Variants in TDRP observed in about 807,000 individuals in gnomAD.
TDRP encodes testis development related protein, also known as testis development-related protein.
TDRP carries 12 observed loss-of-function variants against 10.5 expected under a neutral mutation model. That is an observed-to-expected ratio of 1.15 (90% CI 0.73 to 1.86). The LOEUF (loss-of-function observed/expected upper bound fraction) is 1.86, where lower values mean the gene tolerates loss of function less well. Among genes scored for constraint, TDRP ranks in the 40% most tolerant of loss-of-function variants. The probability of loss-of-function intolerance (pLI) is 0.00; values close to 1 mark genes in which losing one functional copy is unlikely to be tolerated. For missense variants in TDRP, 353 were observed against 229.2 expected (o/e 1.54, Z -3.49); for synonymous variants, 139 against 95.4 (o/e 1.46, Z -2.67).
intron 1 of TDRP, among the ~76,000 whole-genome samples, chr8:530,496 C>T (rs934805203): frequency 6.6e-6 from 1 of 152,232 alleles, no homozygotes; most frequent in East Asian, 1.9e-4. Flanking sequence ...TGGCTTGGTA[C>T]AGGAGAAGAA....
At chr8:503,549 C>T (rs56388301) in intron 1 of TDRP, among the ~76,000 whole-genome samples, 1,477 of 147,452 alleles carry the variant, frequency 0.01, 15 homozygotes, top group Non-Finnish European at 0.017. Flanking sequence ...GAACCAATGC[C>T]CACTCACCAT....
chr8:534,859 G>A (rs1406738085), intron 1 of TDRP, among the ~76,000 whole-genome samples: 2 of 152,106 alleles, frequency 1.3e-5, no homozygotes, highest in African/African-American at 2.4e-5. Flanking sequence ...GTGAGAAGCT[G>A]CAATAGCTGT....
At position 491,753 on chromosome 8, in the gene TDRP, A is replaced by G. The variant is rs1800983091; in HGVS notation, c.*646T>C. 1 of 1,399,660 alleles carries G rather than the reference A, an allele frequency of 7.1e-7. No individual in the cohort carries two copies. 86.7% of individuals were successfully genotyped at this position (1,399,660 alleles called of 1,614,324 possible). ...TCAAAAGAGGTAAAAATAAAATTCC[A>G]AAAAAGAACCACTGTTACTATCCAG... On this transcript the variant is annotated 3_prime_UTR_variant, in exon 3 of 3. Transcript: ENST00000324079.
At chr8:521,163 G>C (rs1175322080) in intron 1 of TDRP, among the ~76,000 whole-genome samples, 2 of 150,066 alleles carry the variant, frequency 1.3e-5, no homozygotes, top group Non-Finnish European at 2.9e-5. Flanking sequence ...AGCACTTTGG[G>C]AGGCCGAGGC....
At chr8:510,145 C>G (rs1801574322) in intron 1 of TDRP, among the ~76,000 whole-genome samples, 1 of 152,194 alleles carries the variant, frequency 6.6e-6, no homozygotes, top group African/African-American at 2.4e-5. Context: ...GCTTCAGCAT[C>G]CAGAGTTGTG....
At chr8:510,223 T>A (rs887071346) in intron 1 of TDRP, among the ~76,000 whole-genome samples, 1 of 152,152 alleles carries the variant, frequency 6.6e-6, no homozygotes, top group African/African-American at 2.4e-5. Context: ...CAGTCTCCAG[T>A]TCCTCTCTTA....
At chr8:494,373 C>T (rs1002262052) in intron 2 of TDRP, 121 bp downstream of exon 2, 21 of 869,082 alleles carry the variant, frequency 2.4e-5, no homozygotes, top group Middle Eastern at 2.2e-4. Flanking sequence ...AACATGGACT[C>T]GCCGCGCCCC....
chr8:543,923 A>AGGGAGGGGGG (rs1802565797), intron 1 of TDRP, among the ~76,000 whole-genome samples: 1 of 6,226 alleles, frequency 1.6e-4, no homozygotes, highest in Non-Finnish European at 3.2e-4. Context: ...CAATGGAAAA[A>AGGGAGGGGGG]GGGAGGGGGG....
At chr8:521,882 C>A (rs1801915134) in intron 1 of TDRP, among the ~76,000 whole-genome samples, 1 of 152,104 alleles carries the variant, frequency 6.6e-6, no homozygotes, top group Non-Finnish European at 1.5e-5. Context: ...CTATTTATGT[C>A]TTATTTAATA....
intron 1 of TDRP, among the ~76,000 whole-genome samples, chr8:509,579 G>T (rs1801555797): frequency 6.6e-6 from 1 of 152,114 alleles, no homozygotes; most frequent in African/African-American, 2.4e-5. Flanking sequence ...CCAAGAACCA[G>T]GCTACACATA....
intron 1 of TDRP, among the ~76,000 whole-genome samples, chr8:528,270 G>T (rs1005061761): frequency 6.6e-5 from 10 of 152,146 alleles, no homozygotes; most frequent in African/African-American, 2.2e-4. Flanking sequence ...AAATGCTGGT[G>T]AGGATGTGGA....
At chr8:527,561 T>C (rs76313513) in intron 1 of TDRP, among the ~76,000 whole-genome samples, 388 of 152,012 alleles carry the variant, frequency 2.6e-3, no homozygotes, top group African/African-American at 8.9e-3. Context: ...AAAAGACACA[T>C]AGGCCAATGA....
intron 1 of TDRP, among the ~76,000 whole-genome samples, chr8:506,995 T>C (rs1801483882): frequency 6.6e-6 from 1 of 152,116 alleles, no homozygotes; most frequent in African/African-American, 2.4e-5. Flanking sequence ...TTTAATTGAC[T>C]CACAGTTCTG....
Position 499,366 on chromosome 8 carries a change from C to T in TDRP, c.109-4769G>A, listed in dbSNP as rs1011368559. On this transcript the variant is annotated intron_variant, in intron 1 of 2. Transcript: ENST00000324079. Reference sequence around the variant, plus strand: ...CAGGAATTCCACCCTTTGAACACCACGCTGGGCTGGCAGTAGAACCCACAT... The same window carrying T: ...CAGGAATTCCACCCTTTGAACACCATGCTGGGCTGGCAGTAGAACCCACAT... Among the ~76,000 whole-genome samples the T allele has an allele frequency of 7.9e-5, 12 of 152,286 alleles. No individual in the cohort carries two copies. The East Asian group carries it at 1.9e-3, about 25-fold the overall frequency.
intron 1 of TDRP, among the ~76,000 whole-genome samples, chr8:536,315 G>A (rs773522820): frequency 6.6e-6 from 1 of 152,220 alleles, no homozygotes; most frequent in South Asian, 2.1e-4. Context: ...TCTGGGAGAA[G>A]ATTCTAGAGC....
intron 1 of TDRP, among the ~76,000 whole-genome samples, chr8:532,822 T>C (rs1181478662): frequency 1.3e-5 from 2 of 150,134 alleles, no homozygotes; most frequent in African/African-American, 2.4e-5. Flanking sequence ...ATAAAGTCAC[T>C]ATACTGGAAC....
intron 1 of TDRP, among the ~76,000 whole-genome samples, chr8:526,314 G>A (rs1802033974): frequency 6.6e-6 from 1 of 152,092 alleles, no homozygotes; most frequent in Non-Finnish European, 1.5e-5. Context: ...TCTTTAAAAT[G>A]CACCACTGGG....
intron 1 of TDRP, among the ~76,000 whole-genome samples, chr8:535,219 G>C (rs1802314165): frequency 6.6e-6 from 1 of 152,040 alleles, no homozygotes; most frequent in Non-Finnish European, 1.5e-5. Flanking sequence ...CTGGTCTGCG[G>C]GCTGTCCACA....
chr8:515,281 G>C (rs1801727904), intron 1 of TDRP, among the ~76,000 whole-genome samples: 1 of 152,020 alleles, frequency 6.6e-6, no homozygotes, highest in Non-Finnish European at 1.5e-5. Context: ...CATTCAGACA[G>C]AAAAAAATGT....
Sources: gnomAD v4.1 joint callset for allele counts (sites outside exome capture counted in the v4.1 genomes callset) on GRCh38, gnomAD v4.1.1 for gene constraint, MANE v1.5 for transcripts, NCBI Gene and HGNC (gene_info 2026-07-23, HGNC 2026-07-21) for gene names.